SALL1: variants seen among roughly 807,000 people sequenced by gnomAD.
SALL1 encodes the protein sal-like protein 1.
Under a neutral mutation model 73.1 loss-of-function variants are expected in SALL1, and 10 were observed. The ratio of observed to expected loss-of-function variants is 0.14; its 90% CI spans 0.08 to 0.23. SALL1 has a LOEUF of 0.23. Among genes scored for constraint, SALL1 ranks in the 10% least tolerant of loss-of-function variants. The pLI is 1.00. For missense variants in SALL1, 1,520 were observed against 1,697.3 expected, an observed-to-expected ratio of 0.90 and a Z score of 1.84; for synonymous variants, 688 against 689.8, an observed-to-expected ratio of 1.00 and a Z score of 0.04.
At position 51,141,098 on chromosome 16, in the gene SALL1, G is replaced by A; in HGVS notation, c.1124C>T (p.Ser375Leu). 2.5e-6 allele frequency: 4 copies of A among 1,614,238 alleles called. No homozygotes were observed. Among genetic ancestry groups the A allele is most frequent in the Non-Finnish European group, 3.4e-6 (4 of 1,180,042 alleles). The change falls in exon 2 of 3, where the codon TCA becomes TTA. Residue 375 changes from serine (S) to leucine (L), a missense_variant. Ser to Leu is a moderately radical substitution (Grantham distance 145). This residue lies in a region of SALL1 where 540 missense variants were observed against 567.5 expected (regional missense o/e 0.95). Transcript: ENST00000251020. The surrounding 1 kb of genome is among the most constrained non-coding windows in gnomAD (Gnocchi z 5.4). ...TAAACTGCTTATTGCAAAAGCTGGT[G>A]AGGACGATGATGAGACCGCTGGGTT... ...VSNPAVSSSS[S>L]PAFAISSLLS...
At chr16:51,143,200 A>G in intron 1 of SALL1, 2 of 229,254 alleles carry the variant, frequency 8.7e-6, no homozygotes, top group South Asian at 9.0e-5. Flanking sequence ...ATTGTCCTGA[A>G]CATTTTATTA....
intron 1 of SALL1, among the ~76,000 whole-genome samples, chr16:51,145,162 T>C (rs1325835653): frequency 1.3e-5 from 2 of 150,806 alleles, no homozygotes; most frequent in South Asian, 2.1e-4. Flanking sequence ...ATATTTTAAT[T>C]TGTAGTAAGA....
rs535914558 is a variant in SALL1 at position 51,145,206 on chromosome 16, T to A, written c.77-3061A>T. On this transcript the variant is annotated intron_variant, in intron 1 of 2. Transcript: ENST00000251020. Reference sequence around the variant, plus strand: ...CACACATACACACACATTCTCTCTCTCACACACACATACACACACACACAC... The same window carrying A: ...CACACATACACACACATTCTCTCTCACACACACACATACACACACACACAC... Among the ~76,000 whole-genome samples, 5 of 83,370 alleles carry A rather than the reference T, an allele frequency of 6.0e-5. No individual in the cohort carries two copies. The East Asian group carries it at 1.8e-3, about 30-fold the overall frequency. 54.7% of individuals were successfully genotyped at this position (83,370 alleles called of 152,430 possible). A position where few individuals can be genotyped will look rare whatever the true frequency, so the allele number is the denominator to read the frequency against.
At chr16:51,150,477 G>A in intron 1 of SALL1, 3 of 985,638 alleles carry the variant, frequency 3.0e-6, no homozygotes, top group Non-Finnish European at 3.6e-6. Flanking sequence ...CCGTCCGTTT[G>A]CACCGTCTCC....
chr16:51,150,464 T>C (rs1047745431), intron 1 of SALL1: 1 of 985,476 alleles, frequency 1.0e-6, no homozygotes, highest in Non-Finnish European at 1.2e-6. Context: ...CCCGACACTT[T>C]CCCCGTCCGT....
chr16:51,150,343 G>T (rs1477860346), intron 1 of SALL1: 12 of 932,460 alleles, frequency 1.3e-5, no homozygotes, highest in Non-Finnish European at 1.5e-5. Flanking sequence ...CCCCCTGGAA[G>T]TAGGGAGCAC....
chr16:51,137,616 G>C, intron 2 of SALL1, 64 bp from the exon 3 acceptor site: 1 of 1,319,570 alleles, frequency 7.6e-7, no homozygotes, highest in Non-Finnish European at 1.1e-6. Context: ...AGGAGGGGGA[G>C]AGAAGCTTAA....
At chr16:51,147,868 A>G (rs565148876) in intron 1 of SALL1, among the ~76,000 whole-genome samples, 12 of 151,974 alleles carry the variant, frequency 7.9e-5, no homozygotes, top group South Asian at 2.1e-4. Flanking sequence ...TGTAGTAAAG[A>G]GCCCACATAT....
In SALL1 at chr16:51,139,711, G is replaced by A. The variant is rs753477393; in HGVS notation, c.2511C>T (p.Ile837=). 5.6e-6 allele frequency: 9 copies of A among 1,614,232 alleles called. No individual in the cohort carries two copies. In the East Asian group the frequency reaches 1.8e-4, roughly 32 times the overall value. Residue 837 remains isoleucine, a synonymous_variant, in exon 2 of 3, where the codon ATC becomes ATT. Coordinates refer to ENST00000251020, the MANE Select transcript of SALL1 (RefSeq NM_002968.3). The stretch of plus-strand genomic sequence containing the variant: ...CGTCTGCAGACTTAGGTGTATCAGG[G>A]ATGCTGCCCTCAGGACAGTCTTCCA... The part of the protein sequence containing the change: ...ENMEDCPEGS[I]PDTPKSADAS...
At chr16:51,151,369 G>A, upstream of SALL1, 1 of 292,720 alleles carries the variant, frequency 3.4e-6, no homozygotes. Flanking sequence ...CCCCCTCCCC[G>A]GCTCCCCGGC....
chr16:51,145,498 A>T (rs1359497868), intron 1 of SALL1, among the ~76,000 whole-genome samples: 3 of 152,096 alleles, frequency 2.0e-5, no homozygotes, highest in African/African-American at 7.2e-5. Context: ...ACACAAACAG[A>T]TATTTGGAAT....
chr16:51,137,341 G>T lies in SALL1; in HGVS notation c.3746C>A (p.Ala1249Asp). 2 of 1,614,118 alleles carry T rather than the reference G, an allele frequency of 1.2e-6. No individual in the cohort carries two copies. Among genetic ancestry groups the T allele is most frequent in the Non-Finnish European group, 1.7e-6 (2 of 1,180,034 alleles). The change falls in exon 3 of 3, where the codon GCC becomes GAC. Residue 1249 changes from alanine (A) to aspartate (D), a missense_variant. Physicochemically the swap from Ala to Asp is moderately radical, Grantham distance 126 (BLOSUM62 -2). Coordinates refer to ENST00000251020, the MANE Select transcript of SALL1 (RefSeq NM_002968.3). Reference protein sequence around the residue: ...AALSNGLAMKANEISVIQNGG... With the variant: ...AALSNGLAMKDNEISVIQNGG... ...GTTCTGAATGACGGAGATCTCGTTG[G>T]CCTTCATCGCCAGCCCGTTGGAGAG... is the stretch of plus-strand genomic sequence containing the variant.
At chr16:51,151,945 G>C (rs1329146249), upstream of SALL1, among the ~76,000 whole-genome samples, 1 of 151,136 alleles carries the variant, frequency 6.6e-6, no homozygotes, top group Non-Finnish European at 1.5e-5. Flanking sequence ...GGGGGAGGGC[G>C]TCCCGTTTCG....
intron 1 of SALL1, among the ~76,000 whole-genome samples, chr16:51,143,576 T>C (rs2143457134): frequency 2.0e-5 from 3 of 152,342 alleles, no homozygotes; most frequent in Admixed American, 2.0e-4. Flanking sequence ...AAAATCAAAA[T>C]GCTGCTTTTT....
chr16:51,150,620 C>T (rs1033503053), intron 1 of SALL1: 250 of 979,912 alleles, frequency 2.6e-4, no homozygotes, highest in Non-Finnish European at 2.8e-4. Flanking sequence ...GCCTCGCAGG[C>T]CGAGGGGGAG....
At chr16:51,145,731 G>A (rs1962506296) in intron 1 of SALL1, among the ~76,000 whole-genome samples, 3 of 152,016 alleles carry the variant, frequency 2.0e-5, no homozygotes, top group Admixed American at 1.3e-4. Flanking sequence ...ATAAAACTAT[G>A]TCCCACACAG....
Position 51,137,520 on chromosome 16 carries a change from G to C in SALL1, c.3567C>G (p.Thr1189=). 1 of 1,613,800 alleles carries C rather than the reference G, an allele frequency of 6.2e-7. No homozygotes were observed. Among genetic ancestry groups the C allele is most frequent in the Non-Finnish European group, 8.5e-7 (1 of 1,179,996 alleles). ...AGAGCCGCCGACCCCGTCGTGCAGG[G>C]GTGCTATTCCACATGTGAGTGCCCA... ...VHMGTHMWNS[T]PARRGRRLSV... is the part of the protein sequence containing the mutation. The change falls in exon 3 of 3, where the codon ACC becomes ACG. Residue 1189 remains threonine (T), a synonymous_variant. Transcript: ENST00000251020.
rs770519898 is a variant in SALL1, at chr16:51,139,806, T to C, written c.2416A>G (p.Met806Val). The C allele has an allele frequency of 6.2e-7, 1 of 1,614,208 alleles. No homozygotes were observed. The highest frequency in any genetic ancestry group is 2.2e-5 in the East Asian group (1 of 44,880). The change falls in exon 2 of 3, where the codon ATG becomes GTG. Residue 806 changes from methionine (M) to valine (V), a missense_variant. Physicochemically the swap from Met to Val is conservative, Grantham distance 21 (BLOSUM62 1). Around this residue, in one of 7 missense-constraint regions of SALL1, gnomAD observed 266 missense variants for 275.1 expected, o/e 0.97. Transcript: ENST00000251020. ...TPVPDSYSESMESDTGSFDEK... is the reference protein window; with the variant it reads ...TPVPDSYSESVESDTGSFDEK... Reference sequence around the variant, plus strand: ...TCAAAGGAACCTGTGTCAGACTCCATGGACTCAGAGTAGCTGTCGGGGACT... The same window carrying C: ...TCAAAGGAACCTGTGTCAGACTCCACGGACTCAGAGTAGCTGTCGGGGACT...
chr16:51,136,950 T>TA lies in SALL1; in HGVS notation c.*161dup. The TA allele has an allele frequency of 1.6e-6, 1 of 643,930 alleles. No homozygotes were observed. Among genetic ancestry groups the TA allele is most frequent in the South Asian group, 1.8e-5 (1 of 54,802 alleles). The allele number at this position is 643,930 out of a possible 1,614,324, so 39.9% of individuals were successfully genotyped here. A position where few individuals can be genotyped will look rare whatever the true frequency, so the allele number is the denominator to read the frequency against. ...TAATAAATAAGCTTTCTTAGAACTC[T>TA]AAAGTTGAACAAGGTACAAAAGAAT... is the stretch of plus-strand genomic sequence containing the variant. On this transcript the variant is annotated 3_prime_UTR_variant, in exon 3 of 3. Transcript: ENST00000251020.
Sources: gnomAD v4.1 joint callset for allele counts (sites outside exome capture counted in the v4.1 genomes callset) on GRCh38, gnomAD v4.1.1 for gene constraint, gnomAD v4.1.1 regional missense constraint, Gnocchi (gnomAD v3.1) non-coding constraint, MANE v1.5 for transcripts, NCBI Gene and HGNC (gene_info 2026-07-23, HGNC 2026-07-21) for gene names.